SLC25A20: variants seen among roughly 807,000 people sequenced by gnomAD.
The protein encoded by SLC25A20 is mitochondrial carnitine/acylcarnitine carrier protein.
SLC25A20 carries 29 observed loss-of-function variants against 39.7 expected under a neutral mutation model. The ratio of observed to expected loss-of-function variants is 0.73; its 90% CI spans 0.54 to 1.00. The LOEUF (loss-of-function observed/expected upper bound fraction) is 1.00, where lower values mean the gene tolerates loss of function less well. Among genes scored for constraint, SLC25A20 ranks in the 50% least tolerant of loss-of-function variants. SLC25A20 has a pLI of 0.00. For synonymous variants in SLC25A20, 103 were observed against 142.2 expected (o/e 0.72, Z 1.96); for missense variants, 333 against 379.9 (o/e 0.88, Z 1.03).
At chr3:48,864,253 C>T (rs1301099066) in intron 4 of SLC25A20, among the ~76,000 whole-genome samples, 11 of 137,374 alleles carry the variant, frequency 8.0e-5, no homozygotes, top group African/African-American at 2.7e-4. Flanking sequence ...GAGGCTGAGG[C>T]AGGAAAATGA....
In SLC25A20 at chr3:48,872,693, A is replaced by C. The variant is rs1335436570; in HGVS notation, c.417+6665T>G. ...TGGCAAGACCCCATCCTTACAAAAA[A>C]AAAAAAAAAAAGGTGTTTAATTAGC... is the stretch of plus-strand genomic sequence containing the variant. On this transcript the variant is annotated intron_variant, in intron 4 of 8. Coordinates refer to ENST00000319017, the MANE Select transcript of SLC25A20 (RefSeq NM_000387.6). Among the ~76,000 whole-genome samples, 3 of 151,672 alleles carry C rather than the reference A, an allele frequency of 2.0e-5. No homozygotes were observed. The East Asian group carries it at 5.9e-4, about 30-fold the overall frequency.
chr3:48,897,847 C>G (rs1461288032), intron 1 of SLC25A20, among the ~76,000 whole-genome samples: 1 of 152,114 alleles, frequency 6.6e-6, no homozygotes, highest in Non-Finnish European at 1.5e-5. Flanking sequence ...TTCACGTCTA[C>G]GTCTAGAAAA....
At chr3:48,881,150 G>A (rs907388403) in intron 3 of SLC25A20, among the ~76,000 whole-genome samples, 3 of 152,000 alleles carry the variant, frequency 2.0e-5, no homozygotes, top group Non-Finnish European at 4.4e-5. Context: ...TTTCAACAGC[G>A]CGATTTCTCC....
intron 7 of SLC25A20, 121 bp from the exon 8 acceptor site, chr3:48,858,752 T>A: frequency 8.4e-7 from 1 of 1,192,008 alleles, no homozygotes; most frequent in Non-Finnish European, 1.2e-6. Flanking sequence ...GACCAGTCCA[T>A]AGACAACAGT....
rs6414612 is a variant in SLC25A20 at position 48,859,645 on chromosome 3, A to C, written c.536-18T>G. The C allele has an allele frequency of 1.9e-6, 3 of 1,601,172 alleles. No individual in the cohort carries two copies. Among genetic ancestry groups the C allele is most frequent in the African/African-American group, 2.7e-5 (2 of 74,780 alleles). ...TGGGACATCTGTTAGTGGCAAGAAA[A>C]AGGTGAATTAAAGTACATAAACTCT... On this transcript the variant is annotated intron_variant, in intron 5 of 8. Coordinates refer to ENST00000319017, the MANE Select transcript of SLC25A20 (RefSeq NM_000387.6).
chr3:48,897,074 T>TC (rs1242009076), intron 1 of SLC25A20, among the ~76,000 whole-genome samples: 2 of 113,782 alleles, frequency 1.8e-5, no homozygotes, highest in Non-Finnish European at 3.4e-5. Flanking sequence ...TTTCTTCTTC[T>TC]CCTTTTTTTT....
chr3:48,859,971 A>C (rs772799954), intron 5 of SLC25A20, among the ~76,000 whole-genome samples: 13 of 152,140 alleles, frequency 8.5e-5, no homozygotes, highest in Admixed American at 1.3e-4. Flanking sequence ...ATTCGAGACC[A>C]GTCTGGCCAA....
At chr3:48,860,077 C>T (rs2083612723) in intron 5 of SLC25A20, among the ~76,000 whole-genome samples, 1 of 152,006 alleles carries the variant, frequency 6.6e-6, no homozygotes, top group African/African-American at 2.4e-5. Context: ...CCGAGGCGGG[C>T]GGATCACAAG....
At chr3:48,867,590 T>A (rs1243156327) in intron 4 of SLC25A20, among the ~76,000 whole-genome samples, 2 of 151,306 alleles carry the variant, frequency 1.3e-5, no homozygotes, top group Non-Finnish European at 2.9e-5. Flanking sequence ...AATGCAAGCA[T>A]GTTTATGCCT....
chr3:48,886,030 G>A (rs1559670830), intron 2 of SLC25A20, among the ~76,000 whole-genome samples: 1 of 152,128 alleles, frequency 6.6e-6, no homozygotes, highest in East Asian at 1.9e-4. Context: ...GGAATGGAAT[G>A]CACATCATAC....
intron 1 of SLC25A20, 150 bp downstream of exon 1, chr3:48,898,540 T>C (rs556130928): frequency 7.4e-6 from 6 of 806,790 alleles, no homozygotes; most frequent in Non-Finnish European, 1.2e-5. Context: ...TACAGCTTCC[T>C]GCCCACCCCT....
chr3:48,864,040 G>A (rs2083646985), intron 4 of SLC25A20, among the ~76,000 whole-genome samples: 1 of 136,290 alleles, frequency 7.3e-6, no homozygotes, highest in Non-Finnish European at 1.6e-5. Context: ...ACAAGAAATG[G>A]ATCCCATTCA....
chr3:48,890,651 C>CTTTT (rs71077750), intron 2 of SLC25A20, among the ~76,000 whole-genome samples: 3 of 78,124 alleles, frequency 3.8e-5, no homozygotes, highest in South Asian at 5.3e-4. Context: ...GCCCCCTTGT[C>CTTTT]TTTTTTTTTT....
chr3:48,891,931 C>T (rs1346121791), intron 2 of SLC25A20, 49 bp downstream of exon 2: 6 of 1,425,474 alleles, frequency 4.2e-6, no homozygotes, highest in Non-Finnish European at 5.9e-6. Flanking sequence ...ACAAATCAAC[C>T]CCGTGAATGT....
chr3:48,862,649 G>A lies in SLC25A20; in HGVS notation c.428C>T (p.Ser143Phe), dbSNP rs2083636545. ...ACCAGTGTACTTGCTTTCTCCTGAAGAAGCCTGAATCTGGGAGGGAGGAGA... is the reference window on the plus strand; with the variant it reads ...ACCAGTGTACTTGCTTTCTCCTGAAAAAGCCTGAATCTGGGAGGGAGGAGA... ...RIKCLLQIQA[S>F]SGESKYTGTL... The change falls in exon 5 of 9, where the codon TCT becomes TTT. Residue 143 changes from serine (S) to phenylalanine (F), a missense_variant. Coordinates refer to ENST00000319017, the MANE Select transcript of SLC25A20 (RefSeq NM_000387.6). 6.2e-7 allele frequency: 1 copy of A among 1,611,758 alleles called. No individual in the cohort carries two copies. The highest frequency in any genetic ancestry group is 2.2e-5 in the East Asian group (1 of 44,872).
Position 48,884,021 on chromosome 3 carries a change from T to C in SLC25A20, c.302A>G (p.Gln101Arg). The C allele has an allele frequency of 6.2e-7, 1 of 1,613,916 alleles. No individual in the cohort carries two copies. Among genetic ancestry groups the C allele is most frequent in the South Asian group, 1.1e-5 (1 of 91,084 alleles). Reference protein sequence around the residue: ...FGFGLGKKLQQKHPEDVLSYP... With the variant: ...FGFGLGKKLQRKHPEDVLSYP... The stretch of plus-strand genomic sequence containing the variant: ...CCTGAGCACATCTTCTGGGTGTTTC[T>C]GTTGTAGTTTCTTCCCCAAACCAAA... Residue 101 changes from glutamine to arginine, a missense_variant, in exon 3 of 9, where the codon CAG (glutamine) becomes CGG (arginine). By Grantham distance (43) the Gln-to-Arg change is conservative. Coordinates refer to ENST00000319017, the MANE Select transcript of SLC25A20 (RefSeq NM_000387.6).
At chr3:48,871,131 T>G (rs963274898) in intron 4 of SLC25A20, among the ~76,000 whole-genome samples, 1 of 151,888 alleles carries the variant, frequency 6.6e-6, no homozygotes, top group Non-Finnish European at 1.5e-5. Context: ...CGGCCAGAAA[T>G]TGGATTTTTA....
chr3:48,865,611 A>G (rs1226828826), intron 4 of SLC25A20, among the ~76,000 whole-genome samples: 3 of 150,754 alleles, frequency 2.0e-5, no homozygotes, highest in Non-Finnish European at 4.4e-5. Context: ...AAAAAAAAAA[A>G]AAAAAGTCCC....
chr3:48,859,307 T>C (rs1427560150), intron 6 of SLC25A20, 106 bp from the exon 7 acceptor site: 2 of 1,063,450 alleles, frequency 1.9e-6, no homozygotes, highest in African/African-American at 3.1e-5. Flanking sequence ...CAGAAACTGG[T>C]TGGAGGGAGG....
Sources: allele counts gnomAD v4.1 joint callset (sites outside exome capture counted in the v4.1 genomes callset), GRCh38; gene constraint gnomAD v4.1.1; transcripts MANE v1.5; gene names NCBI Gene and HGNC (gene_info 2026-07-23, HGNC 2026-07-21).